SIPA1L3: variants seen among roughly 807,000 people sequenced by gnomAD.
SIPA1L3 encodes signal-induced proliferation-associated 1-like protein 3.
SIPA1L3 carries 59 observed loss-of-function variants against 150.1 expected under a neutral mutation model. That is an observed-to-expected ratio of 0.39 (90% CI 0.32 to 0.49). The LOEUF is 0.49. SIPA1L3 is among the 20% of genes least tolerant of loss of function. The pLI is 0.86. For synonymous variants in SIPA1L3, 1,070 were observed against 1,077.6 expected (o/e 0.99, Z 0.14); for missense variants, 2,211 against 2,489.5 (o/e 0.89, Z 2.38).
At chr19:37,969,960 G>C (rs1245135464) in intron 1 of SIPA1L3, among the ~76,000 whole-genome samples, 1 of 152,190 alleles carries the variant, frequency 6.6e-6, no homozygotes, top group African/African-American at 2.4e-5. Context: ...GGCTGGCTGT[G>C]AGTCCCAGGA....
chr19:38,202,655 C>T (rs756099245), intron 20 of SIPA1L3, among the ~76,000 whole-genome samples: 5 of 152,186 alleles, frequency 3.3e-5, no homozygotes, highest in East Asian at 1.9e-4. Context: ...CTGTGCCTCT[C>T]GTCAGCCCCG....
At chr19:38,107,677 T>C (rs1211415193) in intron 7 of SIPA1L3, among the ~76,000 whole-genome samples, 2 of 152,206 alleles carry the variant, frequency 1.3e-5, no homozygotes, top group Non-Finnish European at 2.9e-5. Flanking sequence ...AAACATGCTA[T>C]TAAGAGCTTT....
At chr19:37,977,315 C>T (rs1024362652) in intron 1 of SIPA1L3, among the ~76,000 whole-genome samples, 7 of 151,886 alleles carry the variant, frequency 4.6e-5, no homozygotes, top group African/African-American at 1.7e-4. Context: ...CAGGCACGCA[C>T]CACCATGCCC....
chr19:37,936,531 C>G (rs2046602130), intron 1 of SIPA1L3, among the ~76,000 whole-genome samples: 1 of 152,192 alleles, frequency 6.6e-6, no homozygotes, highest in South Asian at 2.1e-4. Flanking sequence ...GAATAGTAGC[C>G]AGTCTCATTA....
intron 2 of SIPA1L3, among the ~76,000 whole-genome samples, chr19:38,060,968 A>T (rs1969434203): frequency 6.6e-6 from 1 of 152,252 alleles, no homozygotes; most frequent in Non-Finnish European, 1.5e-5. Flanking sequence ...CTGGGATTAC[A>T]GGCGTGAGCC....
intron 1 of SIPA1L3, among the ~76,000 whole-genome samples, chr19:38,005,008 C>T (rs1023372788): frequency 1.3e-5 from 2 of 152,066 alleles, no homozygotes; most frequent in African/African-American, 2.4e-5. Context: ...CAAAACAACC[C>T]GAGGAGTGGA....
At chr19:38,173,426 G>A (rs981267885) in intron 15 of SIPA1L3, among the ~76,000 whole-genome samples, 1 of 152,284 alleles carries the variant, frequency 6.6e-6, no homozygotes. Context: ...GGGCACCGCA[G>A]TGGGCTGAGT....
rs138387843 is a variant in SIPA1L3 at position 37,934,792 on chromosome 19, T to C, written c.-379+27434T>C. Among the ~76,000 whole-genome samples the C allele has an allele frequency of 1.9e-3, 288 of 152,204 alleles. 5 individuals carry two copies. In the Middle Eastern group the frequency reaches 0.027, roughly 14 times the overall value. ...TATATAATCCTATAGGAGATAATAT[T>C]ACACTTATTTTCTTGCATTTTGCTC... is the stretch of plus-strand genomic sequence containing the variant. On this transcript the variant is annotated intron_variant, in intron 1 of 21. Coordinates refer to ENST00000222345, the MANE Select transcript of SIPA1L3 (RefSeq NM_015073.3).
intron 9 of SIPA1L3, among the ~76,000 whole-genome samples, chr19:38,121,041 TA>T (rs1374274682): frequency 6.6e-6 from 1 of 152,192 alleles, no homozygotes; most frequent in African/African-American, 2.4e-5. Context: ...GAAAAGCAGG[TA>T]CAAGAATCAT....
chr19:38,067,167 A>T (rs1208450989), intron 2 of SIPA1L3, among the ~76,000 whole-genome samples: 1 of 152,134 alleles, frequency 6.6e-6, no homozygotes, highest in African/African-American at 2.4e-5. Flanking sequence ...TGAGCCCAGG[A>T]GGTTGAGGAT....
At chr19:38,139,654 C>T (rs1263423313) in intron 10 of SIPA1L3, among the ~76,000 whole-genome samples, 1 of 152,200 alleles carries the variant, frequency 6.6e-6, no homozygotes, top group Non-Finnish European at 1.5e-5. Flanking sequence ...GTGTCGGGCC[C>T]TGGGTGCCAG....
Position 38,123,024 on chromosome 19 carries a change from G to A in SIPA1L3, c.2868+3142G>A, listed in dbSNP as rs148141221. On this transcript the variant is annotated intron_variant, in intron 9 of 21. Transcript: ENST00000222345. ...GGCCAGCATCTGGTGCACAGTAGCC[G>A]CTGAGTGAGCAGGAACCGAGTGCAG... Among the ~76,000 whole-genome samples, 399 of 152,290 alleles carry A rather than the reference G, an allele frequency of 2.6e-3. 1 individual carries two copies. Among genetic ancestry groups the A allele is most frequent in the African/African-American group, 9.3e-3 (386 of 41,564 alleles).
chr19:38,036,821 C>G (rs995126013), intron 2 of SIPA1L3, among the ~76,000 whole-genome samples: 4 of 152,106 alleles, frequency 2.6e-5, no homozygotes, highest in Admixed American at 2.0e-4. Context: ...GAGCTCCCCC[C>G]ACTCGCCCCA....
chr19:38,170,659 C>T (rs1338894330), intron 15 of SIPA1L3, among the ~76,000 whole-genome samples: 2 of 152,080 alleles, frequency 1.3e-5, no homozygotes, highest in African/African-American at 4.8e-5. Flanking sequence ...GGACGGAGGC[C>T]CATGGGAAAC....
At chr19:37,967,617 AACTTT>A (rs1197158167) in intron 1 of SIPA1L3, among the ~76,000 whole-genome samples, 1 of 152,112 alleles carries the variant, frequency 6.6e-6, no homozygotes, top group East Asian at 1.9e-4. Context: ...ACTTGATCCC[AACTTT>A]ACTTCTGCAA....
chr19:38,176,373 G>GT (rs376566101), intron 15 of SIPA1L3, among the ~76,000 whole-genome samples: 119 of 145,802 alleles, frequency 8.2e-4, no homozygotes, highest in Middle Eastern at 3.5e-3. Context: ...TTTAGGGTTG[G>GT]TTTTTTTTTT....
intron 1 of SIPA1L3, among the ~76,000 whole-genome samples, chr19:37,958,421 GT>G (rs1000163037): frequency 2.6e-5 from 4 of 152,154 alleles, no homozygotes; most frequent in Non-Finnish European, 5.9e-5. Flanking sequence ...GTGAGTCCCT[GT>G]CTGAAAACAA....
intron 2 of SIPA1L3, among the ~76,000 whole-genome samples, chr19:38,078,821 C>G (rs927852409): frequency 1.3e-5 from 2 of 152,198 alleles, no homozygotes; most frequent in African/African-American, 2.4e-5. Flanking sequence ...GGGCAGTCAA[C>G]AGCTTCCATC....
chr19:38,088,774 A>C lies in SIPA1L3; in HGVS notation c.1588A>C (p.Ile530Leu), dbSNP rs1189060114. The C allele has an allele frequency of 6.2e-7, 1 of 1,614,018 alleles. No homozygotes were observed. Among genetic ancestry groups the C allele is most frequent in the African/African-American group, 1.3e-5 (1 of 74,920 alleles). The part of the protein sequence containing the change: ...DEKLGPVAVS[I>L]KREKLEDHKE... Reference sequence around the variant, plus strand: ...GAAGCTGGGGCCAGTGGCTGTGAGCATTAAGCGGGAGAAGCTGGAAGACCA... The same window carrying C: ...GAAGCTGGGGCCAGTGGCTGTGAGCCTTAAGCGGGAGAAGCTGGAAGACCA... The change falls in exon 4 of 22, where the codon ATT (isoleucine) becomes CTT (leucine). Residue 530 changes from isoleucine (I) to leucine (L), a missense_variant. Around this residue, in one of 5 missense-constraint regions of SIPA1L3, gnomAD observed 625 missense variants for 804.2 expected, o/e 0.78. Transcript: ENST00000222345.
Sources: gnomAD v4.1 joint callset for allele counts (sites outside exome capture counted in the v4.1 genomes callset) on GRCh38, gnomAD v4.1.1 for gene constraint, gnomAD v4.1.1 regional missense constraint, MANE v1.5 for transcripts, NCBI Gene and HGNC (gene_info 2026-07-23, HGNC 2026-07-21) for gene names.